The following SGCZ variants were observed in gnomAD, a reference collection of about 807,000 sequenced individuals.
SGCZ encodes the protein sarcoglycan zeta, also known as zeta-sarcoglycan.
SGCZ carries 40 observed loss-of-function variants against 41.3 expected under a neutral mutation model. The observed-to-expected ratio is 0.97, with a 90% CI of 0.75 to 1.26. The LOEUF is 1.26. Ranked by LOEUF, SGCZ falls within the 50% of genes most tolerant of loss-of-function variation. The pLI, the probability that SGCZ is intolerant of heterozygous loss-of-function variation, is 0.00. For synonymous variants in SGCZ, 206 were observed against 137.5 expected, an observed-to-expected ratio of 1.50 and a Z score of -3.49; for missense variants, 552 against 369.8, an observed-to-expected ratio of 1.49 and a Z score of -4.04.
At chr8:14,471,212 C>A (rs1381240029) in intron 2 of SGCZ, among the ~76,000 whole-genome samples, 1 of 152,058 alleles carries the variant, frequency 6.6e-6, no homozygotes, top group African/African-American at 2.4e-5. Context: ...CTAAATGGTT[C>A]AGAATATAGA....
intron 1 of SGCZ, among the ~76,000 whole-genome samples, chr8:14,714,215 T>C (rs2036818): frequency 0.83 from 126,125 of 152,114 alleles, 52,658 homozygotes; most frequent in African/African-American, 0.94. Context: ...GATCTGCCCG[T>C]CTCGGCCTCC....
At chr8:14,550,396 C>A (rs1326836197) in intron 2 of SGCZ, among the ~76,000 whole-genome samples, 1 of 150,414 alleles carries the variant, frequency 6.6e-6, no homozygotes, top group African/African-American at 2.4e-5. Flanking sequence ...ATTAAATAAG[C>A]ATATAAATAA....
chr8:14,814,526 C>T (rs574186127), intron 1 of SGCZ, among the ~76,000 whole-genome samples: 1 of 152,288 alleles, frequency 6.6e-6, no homozygotes, highest in Admixed American at 6.5e-5. Context: ...AAGGCAGGAA[C>T]CAAGTATGTA....
intron 1 of SGCZ, among the ~76,000 whole-genome samples, chr8:15,001,416 G>A (rs1802415552): frequency 6.6e-6 from 1 of 152,134 alleles, no homozygotes; most frequent in Admixed American, 6.5e-5. Flanking sequence ...TCAGTCGTGT[G>A]CATTCTAGGG....
chr8:15,174,532 C>A (rs929912608), intron 1 of SGCZ, among the ~76,000 whole-genome samples: 1 of 152,054 alleles, frequency 6.6e-6, no homozygotes, highest in Non-Finnish European at 1.5e-5. Flanking sequence ...TATAAATATA[C>A]CTATAAAAAC....
At chr8:14,312,811 C>CA (rs1380788690) in intron 3 of SGCZ, among the ~76,000 whole-genome samples, 1 of 151,860 alleles carries the variant, frequency 6.6e-6, no homozygotes, top group Admixed American at 6.6e-5. Context: ...TTTATGCAAA[C>CA]AAAAAAATTA....
intron 1 of SGCZ, among the ~76,000 whole-genome samples, chr8:15,192,400 C>T (rs567148566): frequency 1.3e-5 from 2 of 152,158 alleles, no homozygotes; most frequent in African/African-American, 4.8e-5. Context: ...TGAAATATAA[C>T]AGTTTGTTTC....
At chr8:14,988,989 T>C (rs940850251) in intron 1 of SGCZ, among the ~76,000 whole-genome samples, 2 of 152,138 alleles carry the variant, frequency 1.3e-5, no homozygotes, top group African/African-American at 4.8e-5. Flanking sequence ...TTGTATTTAA[T>C]AGGCTCTTAA....
At chr8:15,175,592 C>T (rs958696390) in intron 1 of SGCZ, among the ~76,000 whole-genome samples, 1 of 151,996 alleles carries the variant, frequency 6.6e-6, no homozygotes, top group Non-Finnish European at 1.5e-5. Flanking sequence ...GAATACAAGG[C>T]TTAATACCTG....
At chr8:15,014,051 A>C (rs7817481) in intron 1 of SGCZ, among the ~76,000 whole-genome samples, 60,208 of 152,058 alleles carry the variant, frequency 0.4, 13,155 homozygotes, top group Non-Finnish European at 0.49. Context: ...AGGATTAGTG[A>C]GAATAATAAA....
intron 1 of SGCZ, among the ~76,000 whole-genome samples, chr8:14,890,236 G>A (rs1037230230): frequency 2.0e-4 from 29 of 144,286 alleles, no homozygotes; most frequent in African/African-American, 7.0e-4. Flanking sequence ...GAAAGAAAGA[G>A]AGAGAGAAAG....
chr8:14,502,230 AC>A (rs1325142996), intron 2 of SGCZ, among the ~76,000 whole-genome samples: 1 of 152,110 alleles, frequency 6.6e-6, no homozygotes, highest in Non-Finnish European at 1.5e-5. Context: ...CGGCATCAAT[AC>A]AAAAAAGGAT....
chr8:14,958,956 T>A (rs574513744), intron 1 of SGCZ, among the ~76,000 whole-genome samples: 1 of 152,132 alleles, frequency 6.6e-6, no homozygotes, highest in East Asian at 1.9e-4. Flanking sequence ...TTAATCTTTC[T>A]GTATGTTTGA....
intron 1 of SGCZ, among the ~76,000 whole-genome samples, chr8:14,720,073 G>C (rs113957190): frequency 1.3e-5 from 2 of 151,926 alleles, no homozygotes; most frequent in Admixed American, 6.6e-5. Context: ...TTCTACATAT[G>C]GCTAGCCAGT....
intron 2 of SGCZ, among the ~76,000 whole-genome samples, chr8:14,433,575 T>C (rs1185933147): frequency 2.6e-5 from 4 of 152,192 alleles, no homozygotes. Context: ...TAATCTGCCA[T>C]TATGATCTTC....
At chr8:14,207,264 C>A (rs1360049338) in intron 4 of SGCZ, among the ~76,000 whole-genome samples, 10 of 136,646 alleles carry the variant, frequency 7.3e-5, no homozygotes, top group African/African-American at 2.5e-4. Flanking sequence ...TTAAATGTAA[C>A]AATTTGATAA....
chr8:14,851,581 T>A (rs975726653), intron 1 of SGCZ, among the ~76,000 whole-genome samples: 3 of 152,064 alleles, frequency 2.0e-5, no homozygotes, highest in Non-Finnish European at 4.4e-5. Context: ...CCAAATGGTT[T>A]TATCATGCTG....
At chr8:14,111,440 T>C (rs757892749) in intron 5 of SGCZ, among the ~76,000 whole-genome samples, 6 of 151,746 alleles carry the variant, frequency 4.0e-5, no homozygotes, top group Non-Finnish European at 7.4e-5. Flanking sequence ...CTAGAAACCA[T>C]AGAAACAAAA....
intron 1 of SGCZ, among the ~76,000 whole-genome samples, chr8:14,963,419 T>A (rs1375501407): frequency 6.6e-6 from 1 of 151,774 alleles, no homozygotes; most frequent in Non-Finnish European, 1.5e-5. Context: ...GCTCACTGCA[T>A]CCTGCGCCTC....
Sources: gnomAD v4.1 joint callset for allele counts (sites outside exome capture counted in the v4.1 genomes callset) on GRCh38, gnomAD v4.1.1 for gene constraint, MANE v1.5 for transcripts, NCBI Gene and HGNC (gene_info 2026-07-23, HGNC 2026-07-21) for gene names.